Variants in UBR3 observed in about 807,000 individuals in gnomAD.
UBR3 encodes E3 ubiquitin-protein ligase UBR3.
A neutral mutation model predicts 243.2 loss-of-function variants in UBR3; 85 were observed. The ratio of observed to expected loss-of-function variants is 0.35; its 90% CI spans 0.29 to 0.42. The LOEUF (loss-of-function observed/expected upper bound fraction) is 0.42, where lower values mean the gene tolerates loss of function less well. Ranked by LOEUF, UBR3 falls within the 10% of genes least tolerant of loss-of-function variation. UBR3 has a pLI of 1.00. For missense variants in UBR3, 1,686 were observed against 2,300.8 expected, an observed-to-expected ratio of 0.73 and a Z score of 5.47; for synonymous variants, 748 against 799.8, an observed-to-expected ratio of 0.94 and a Z score of 1.09.
At position 169,906,040 on chromosome 2, in the gene UBR3, TAAAC is replaced by T; in HGVS notation, c.1658_1661del (p.Asn553SerfsTer4). 6.4e-7 allele frequency: 1 copy of T among 1,550,676 alleles called. No individual in the cohort carries two copies. The highest frequency in any genetic ancestry group is 8.7e-7 in the Non-Finnish European group (1 of 1,146,690). ...CTTTAATTTTTGCCAGGTATGAACT[TAAAC>T]AAGCGAGAACTAAACGAGCATGTGG... On this transcript the variant is annotated frameshift_variant, in exon 10 of 39. Coordinates refer to ENST00000272793, the MANE Select transcript of UBR3 (RefSeq NM_172070.4). LOFTEE classifies it high-confidence loss of function.
chr2:169,908,582 C>A (rs2085111297), intron 10 of UBR3, among the ~76,000 whole-genome samples: 1 of 152,054 alleles, frequency 6.6e-6, no homozygotes, highest in South Asian at 2.1e-4. Context: ...GGAGATAAAT[C>A]TTAAGTAAGT....
intron 26 of UBR3, 34 bp downstream of exon 26, chr2:169,994,490 G>A: frequency 6.4e-7 from 1 of 1,569,118 alleles, no homozygotes; most frequent in Non-Finnish European, 8.7e-7. Flanking sequence ...ACTTTTGTCT[G>A]CCAAGTTGAT....
At chr2:169,982,708 G>C (rs1399903797) in intron 24 of UBR3, among the ~76,000 whole-genome samples, 2 of 151,958 alleles carry the variant, frequency 1.3e-5, no homozygotes, top group Non-Finnish European at 2.9e-5. Context: ...TCTTGGTAAG[G>C]CAAAGTACTT....
chr2:170,052,800 T>C (rs1370218396), intron 32 of UBR3, among the ~76,000 whole-genome samples: 2 of 152,180 alleles, frequency 1.3e-5, no homozygotes, highest in Non-Finnish European at 2.9e-5. Flanking sequence ...TTCTCTTGTA[T>C]ACTTAAAATG....
chr2:169,925,502 C>A (rs1185582709), intron 13 of UBR3, 117 bp from the exon 14 acceptor site: 5 of 882,698 alleles, frequency 5.7e-6, no homozygotes, highest in African/African-American at 1.7e-5. Flanking sequence ...TAACATTGGA[C>A]AGAATATCGG....
chr2:169,981,601 GT>G (rs1236558996), intron 24 of UBR3, among the ~76,000 whole-genome samples: 13 of 152,036 alleles, frequency 8.6e-5, no homozygotes, highest in African/African-American at 3.1e-4. Context: ...ATGTAATGTG[GT>G]ATCCTGGGAT....
At chr2:169,965,873 C>A (rs907524861) in intron 24 of UBR3, among the ~76,000 whole-genome samples, 1 of 152,172 alleles carries the variant, frequency 6.6e-6, no homozygotes, top group East Asian at 1.9e-4. Flanking sequence ...TGTAGTTGCT[C>A]CTTTTTATTG....
intron 32 of UBR3, among the ~76,000 whole-genome samples, chr2:170,054,686 A>G (rs542605010): frequency 2.4e-4 from 36 of 152,184 alleles, no homozygotes; most frequent in Middle Eastern, 3.2e-3. Context: ...TAACCTAAAC[A>G]TCAAGATTTT....
At chr2:169,854,582 T>A (rs2082772106) in intron 1 of UBR3, among the ~76,000 whole-genome samples, 1 of 152,168 alleles carries the variant, frequency 6.6e-6, no homozygotes, top group African/African-American at 2.4e-5. Flanking sequence ...TAAGTTTTTT[T>A]AATATTATAA....
At position 170,081,886 on chromosome 2, in the gene UBR3, A is replaced by C. The variant is rs1574494169; in HGVS notation, c.*43A>C. The C allele has an allele frequency of 1.5e-6, 2 of 1,331,296 alleles. No individual in the cohort carries two copies. The highest frequency in any genetic ancestry group is 5.2e-5 in the East Asian group (2 of 38,576). The allele number at this position is 1,331,296 out of a possible 1,614,324, so 82.5% of individuals were successfully genotyped here. A position where few individuals can be genotyped will look rare whatever the true frequency, so the allele number is the denominator to read the frequency against. On this transcript the variant is annotated 3_prime_UTR_variant, in exon 39 of 39. Transcript: ENST00000272793. ...GCATCGTATCATCATTTTCGCTACG[A>C]ATTTATTTTTCAACAATAAGCTTTA...
chr2:169,859,841 T>G (rs543964470), intron 1 of UBR3, among the ~76,000 whole-genome samples: 2 of 152,172 alleles, frequency 1.3e-5, no homozygotes, highest in African/African-American at 4.8e-5. Context: ...CTCAGGCTCC[T>G]GAGTAGCTGG....
Position 169,985,224 on chromosome 2 carries a change from C to CTT in UBR3, c.3635-1403_3635-1402dup, listed in dbSNP as rs71006060. Among the ~76,000 whole-genome samples the CTT allele has an allele frequency of 1.4e-4, 16 of 113,114 alleles. 1 individual carries two copies. Among genetic ancestry groups the CTT allele is most frequent in the African/African-American group, 3.3e-4 (10 of 30,514 alleles). The allele number at this position is 113,114 out of a possible 152,430, so 74.2% of individuals were successfully genotyped here. A position where few individuals can be genotyped will look rare whatever the true frequency, so the allele number is the denominator to read the frequency against. On this transcript the variant is annotated intron_variant, in intron 24 of 38. Transcript: ENST00000272793. ...AAAGTAGTCTCATATCAACTCTTTTCTTTTTTTTTTTTTTTTTTTCTGAGA... is the reference window on the plus strand; with the variant it reads ...AAAGTAGTCTCATATCAACTCTTTTCTTTTTTTTTTTTTTTTTTTTTCTGAGA...
chr2:169,936,690 G>C (rs1305521258), intron 19 of UBR3, among the ~76,000 whole-genome samples: 4 of 151,014 alleles, frequency 2.6e-5, no homozygotes. Context: ...CCCCACAACA[G>C]GGCCCGGTGT....
chr2:169,994,551 A>T lies in UBR3; in HGVS notation c.3918+95A>T, dbSNP rs1458989664. On this transcript the variant is annotated intron_variant, in intron 26 of 38. Coordinates refer to ENST00000272793, the MANE Select transcript of UBR3 (RefSeq NM_172070.4). The stretch of plus-strand genomic sequence containing the variant: ...TGTCTTTTACCAAAATGGCATTCTG[A>T]TGTTAAATTTGAAAGTTTATTAGAA... The T allele has an allele frequency of 2.1e-6, 3 of 1,404,916 alleles. No homozygotes were observed. In the African/African-American group the frequency reaches 4.3e-5, roughly 20 times the overall value. The allele number at this position is 1,404,916 out of a possible 1,614,324, so 87.0% of individuals were successfully genotyped here. A position where few individuals can be genotyped will look rare whatever the true frequency, so the allele number is the denominator to read the frequency against.
At chr2:170,065,990 A>G (rs1484404281) in intron 35 of UBR3, among the ~76,000 whole-genome samples, 2 of 141,336 alleles carry the variant, frequency 1.4e-5, no homozygotes, top group African/African-American at 5.2e-5. Context: ...TTTTGCTTTT[A>G]TTATAAATAG....
chr2:169,828,326 G>C (rs532778341), intron 1 of UBR3, among the ~76,000 whole-genome samples: 110 of 152,314 alleles, frequency 7.2e-4, no homozygotes, highest in African/African-American at 2.5e-3. Flanking sequence ...AAAAGAGCCA[G>C]TGTATGGGGT....
intron 31 of UBR3, among the ~76,000 whole-genome samples, chr2:170,034,849 T>C (rs2090782217): frequency 6.6e-6 from 1 of 152,032 alleles, no homozygotes; most frequent in Non-Finnish European, 1.5e-5. Context: ...TTATCAGTGT[T>C]CTAGATTTTG....
intron 31 of UBR3, among the ~76,000 whole-genome samples, chr2:170,031,082 C>T (rs1559202274): frequency 6.6e-6 from 1 of 152,014 alleles, no homozygotes; most frequent in Non-Finnish European, 1.5e-5. Context: ...AAGTGTGAGC[C>T]ACCGTGCCTA....
Position 169,906,014 on chromosome 2 carries a change from G to A in UBR3, c.1646-17G>A, listed in dbSNP as rs1259711256. 1 of 1,548,262 alleles carries A rather than the reference G, an allele frequency of 6.5e-7. No individual in the cohort carries two copies. Among genetic ancestry groups the A allele is most frequent in the Non-Finnish European group, 8.7e-7 (1 of 1,145,986 alleles). On this transcript the variant is annotated splice_polypyrimidine_tract_variant and intron_variant, in intron 9 of 38. Transcript: ENST00000272793. ...CTTCCACTTGACAAGGTTTATATCTGCTTTAATTTTTGCCAGGTATGAACT... is the reference window on the plus strand; with the variant it reads ...CTTCCACTTGACAAGGTTTATATCTACTTTAATTTTTGCCAGGTATGAACT...
Sources: gnomAD v4.1 joint callset for allele counts (sites outside exome capture counted in the v4.1 genomes callset) on GRCh38, gnomAD v4.1.1 for gene constraint, MANE v1.5 for transcripts, NCBI Gene and HGNC (gene_info 2026-07-23, HGNC 2026-07-21) for gene names.